Variants in MAGEA4 observed in about 807,000 individuals in gnomAD.
The protein encoded by MAGEA4 is MAGE family member A4.
MAGEA4 carries 1 observed loss-of-function variant against 13.7 expected under a neutral mutation model. That is an observed-to-expected ratio of 0.07 (90% CI 0.03 to 0.35). The LOEUF is 0.35. Among genes scored for constraint, MAGEA4 ranks in the 10% least tolerant of loss-of-function variants. The pLI, the probability that MAGEA4 is intolerant of heterozygous loss-of-function variation, is 0.99. For synonymous variants in MAGEA4, 132 were observed against 101.1 expected, an observed-to-expected ratio of 1.31 and a Z score of -1.83; for missense variants, 312 against 245.1, an observed-to-expected ratio of 1.27 and a Z score of -1.82.
chrX:151,912,487 A>T (rs777454263), upstream of MAGEA4: 2 of 359,445 alleles, frequency 5.6e-6, no homozygotes, highest in Admixed American at 5.3e-5. Flanking sequence ...CATTGGTCTG[A>T]CCAGCAACTC....
intron 1 of MAGEA4, chrX:151,913,421 C>A: frequency 1.8e-6 from 1 of 557,768 alleles, no homozygotes; most frequent in Non-Finnish European, 2.2e-6. Context: ...CACCCCCATC[C>A]ACGCTGAATC....
chrX:151,922,291 T>A (rs1324919384), intron 1 of MAGEA4, among the ~76,000 whole-genome samples: 1 of 111,362 alleles, frequency 9.0e-6, no homozygotes, highest in Non-Finnish European at 1.9e-5. Context: ...CCAATTTCAC[T>A]TGTTCCACAG....
At chrX:151,918,961 G>C (rs1933245257) in intron 1 of MAGEA4, 1 of 749,293 alleles carries the variant, frequency 1.3e-6, no homozygotes. Context: ...TTCGGGGTTA[G>C]AGAGAAGCGA....
Position 151,920,633 on chromosome X carries a change from C to T in MAGEA4, c.-137-2820C>T, listed in dbSNP as rs376847067. 1.3e-4 allele frequency among the ~76,000 whole-genome samples: 11 copies of T among 84,169 alleles called. No individual in the cohort carries two copies. In the East Asian group the frequency reaches 4.2e-3, roughly 32 times the overall value. The allele number at this position is 84,169 out of a possible 115,157, so 73.1% of individuals were successfully genotyped here. On this transcript the variant is annotated intron_variant, in intron 1 of 2. Transcript: ENST00000276344. ...CCACCTGTGCCCCTATCCTCCCCAA[C>T]CCCCCAACCAGCCTCATACCCCCCT...
chrX:151,923,505 G>T lies in MAGEA4; in HGVS notation c.-85G>T. On this transcript the variant is annotated 5_prime_UTR_variant, in exon 2 of 3. Coordinates refer to ENST00000276344, the MANE Select transcript of MAGEA4 (RefSeq NM_001011548.1). ...ACAGGATTCCCTGGAGGCCACAGAG[G>T]AGCACCAAGGAGAAGATCTGTAAGT... is the stretch of plus-strand genomic sequence containing the variant. 8.3e-7 allele frequency: 1 copy of T among 1,203,332 alleles called. No homozygotes were observed. Among genetic ancestry groups the T allele is most frequent in the Non-Finnish European group, 1.1e-6 (1 of 892,334 alleles).
At chrX:151,923,046 A>G (rs774523180) in intron 1 of MAGEA4, among the ~76,000 whole-genome samples, 19 of 112,487 alleles carry the variant, frequency 1.7e-4, no homozygotes, top group African/African-American at 5.8e-4. Context: ...AGTGGGATCC[A>G]GGCCCTGCCT....
chrX:151,913,707 C>T (rs887464313), intron 1 of MAGEA4: 20 of 557,220 alleles, frequency 3.6e-5, no homozygotes, highest in East Asian at 1.8e-4. Flanking sequence ...GAGTCTGGGG[C>T]GCCCACCACC....
Position 151,924,684 on chromosome X carries a change from G to A in MAGEA4, c.*66G>A. 1 of 1,076,256 alleles carries A rather than the reference G, an allele frequency of 9.3e-7. No homozygotes were observed. Among genetic ancestry groups the A allele is most frequent in the Non-Finnish European group, 1.2e-6 (1 of 810,394 alleles). 88.7% of individuals were successfully genotyped at this position (1,076,256 alleles called of 1,213,427 possible). On this transcript the variant is annotated 3_prime_UTR_variant, in exon 3 of 3. Transcript: ENST00000276344. ...GGGCCAGTGCATCTAACAGCCCTGT[G>A]CAGCAGCTTCCCTTGCCTCGTGTAA... is the stretch of plus-strand genomic sequence containing the variant.
chrX:151,923,382 C>T, intron 1 of MAGEA4, 71 bp from the exon 2 acceptor site: 1 of 904,532 alleles, frequency 1.1e-6, no homozygotes, highest in Non-Finnish European at 1.5e-6. Flanking sequence ...CACCTCCCTA[C>T]CATCAATCCT....
chrX:151,922,515 T>A (rs957102044), intron 1 of MAGEA4, among the ~76,000 whole-genome samples: 1 of 111,298 alleles, frequency 9.0e-6, no homozygotes, highest in African/African-American at 3.3e-5. Context: ...CCTTCTCATT[T>A]CTGATTCCAG....
chrX:151,913,984 C>A (rs1481381434), intron 1 of MAGEA4: 1 of 88,305 alleles, frequency 1.1e-5, no homozygotes, highest in African/African-American at 4.5e-5. Context: ...CCCCAACAAC[C>A]CGGGCCCTTC....
intron 1 of MAGEA4, among the ~76,000 whole-genome samples, chrX:151,920,342 A>G (rs1298898045): frequency 9.1e-6 from 1 of 109,412 alleles, no homozygotes; most frequent in Non-Finnish European, 1.9e-5. Context: ...AGACGACCCC[A>G]AATAATCCGG....
chrX:151,924,498 T>C lies in MAGEA4; in HGVS notation c.834T>C (p.Ala278=), dbSNP rs779856959. ...ARYEFLWGPR[A]LAETSYVKVL... is the part of the protein sequence containing the mutation. ...ATGAGTTCCTGTGGGGTCCAAGGGC[T>C]CTGGCTGAAACCAGCTATGTGAAAG... The change falls in exon 3 of 3, where the codon GCT becomes GCC. Residue 278 remains alanine (A), a synonymous_variant. Coordinates refer to ENST00000276344, the MANE Select transcript of MAGEA4 (RefSeq NM_001011548.1). 7.4e-5 allele frequency: 90 copies of C among 1,210,403 alleles called. No individual in the cohort carries two copies. In the East Asian group the frequency reaches 2.2e-3, roughly 30 times the overall value.
In MAGEA4 at chrX:151,924,457, A is replaced by G. The variant is rs762630453; in HGVS notation, c.793A>G (p.Ser265Gly). Residue 265 changes from serine to glycine, a missense_variant, in exon 3 of 3, where the codon AGT (serine) becomes GGT (glycine). Coordinates refer to ENST00000276344, the MANE Select transcript of MAGEA4 (RefSeq NM_001011548.1). The part of the protein sequence containing the change: ...NYLEYRQVPG[S>G]NPARYEFLWG... ...CCTGGAGTACCGGCAGGTACCCGGCAGTAATCCTGCGCGCTATGAGTTCCT... is the reference window on the plus strand; with the variant it reads ...CCTGGAGTACCGGCAGGTACCCGGCGGTAATCCTGCGCGCTATGAGTTCCT... The G allele has an allele frequency of 5.8e-6, 7 of 1,211,923 alleles. No individual in the cohort carries two copies. The South Asian group carries it at 7.0e-5, about 12-fold the overall frequency.
At chrX:151,922,461 G>A (rs1019228193) in intron 1 of MAGEA4, among the ~76,000 whole-genome samples, 3 of 111,194 alleles carry the variant, frequency 2.7e-5, no homozygotes, top group African/African-American at 9.8e-5. Flanking sequence ...AGAACCAAAG[G>A]GGTCAGCCCT....
intron 1 of MAGEA4, among the ~76,000 whole-genome samples, chrX:151,921,741 G>A (rs983493427): frequency 8.0e-5 from 9 of 112,108 alleles, no homozygotes; most frequent in Non-Finnish European, 1.3e-4. Context: ...GCTGAAGGAG[G>A]GAGAGGGTTT....
chrX:151,921,665 C>T (rs1342825528), intron 1 of MAGEA4, among the ~76,000 whole-genome samples: 3 of 112,265 alleles, frequency 2.7e-5, no homozygotes, highest in Non-Finnish European at 5.6e-5. Context: ...CATTTTTTCC[C>T]CTGCAGTCAA....
At chrX:151,912,662 A>G, upstream of MAGEA4, 1 of 203,127 alleles carries the variant, frequency 4.9e-6, no homozygotes, top group South Asian at 4.1e-5. Context: ...AACCCAATCC[A>G]CACCCTCATC....
At chrX:151,922,101 G>A (rs1398389716) in intron 1 of MAGEA4, among the ~76,000 whole-genome samples, 1 of 111,161 alleles carries the variant, frequency 9.0e-6, no homozygotes, top group African/African-American at 3.3e-5. Flanking sequence ...GAGGGCTATG[G>A]TCTGAGGGGT....
Sources: allele counts gnomAD v4.1 joint callset (sites outside exome capture counted in the v4.1 genomes callset), GRCh38; gene constraint gnomAD v4.1.1; transcripts MANE v1.5; gene names NCBI Gene and HGNC (gene_info 2026-07-23, HGNC 2026-07-21).